The following ZSWIM3 variants were observed in gnomAD, a reference collection of about 807,000 sequenced individuals.
ZSWIM3 encodes the protein zinc finger SWIM-type containing 3.
A neutral mutation model predicts 47.5 loss-of-function variants in ZSWIM3; 27 were observed. The observed-to-expected ratio is 0.57, with a 90% CI of 0.42 to 0.78. The LOEUF (loss-of-function observed/expected upper bound fraction) is 0.78. Among genes scored for constraint, ZSWIM3 ranks in the 30% least tolerant of loss-of-function variants. The pLI is 0.00. For synonymous variants in ZSWIM3, 333 were observed against 333.9 expected (o/e 1.00, Z 0.03); for missense variants, 689 against 861.3 (o/e 0.80, Z 2.50).
In ZSWIM3 at chr20:45,857,934, C is replaced by T; in HGVS notation, c.109C>T (p.Arg37Cys). 1 of 1,612,428 alleles carries T rather than the reference C, an allele frequency of 6.2e-7. No individual in the cohort carries two copies. Among genetic ancestry groups the T allele is most frequent in the Non-Finnish European group, 8.5e-7 (1 of 1,179,326 alleles). Residue 37 changes from arginine (R) to cysteine (C), a missense_variant, in exon 1 of 2, where the codon CGC becomes TGC. Physicochemically the swap from Arg to Cys is radical, Grantham distance 180. Coordinates refer to ENST00000255152, the MANE Select transcript of ZSWIM3 (RefSeq NM_080752.4). ...CATTCTCAGGGACTGCGTCTCCGTC[C>T]GCTTCCACAACCTCAACCATGGCAC... Reference protein sequence around the residue: ...SFILRDCVSVRFHNLNHGTSI... With the variant: ...SFILRDCVSVCFHNLNHGTSI...
rs1015268367 is a variant in ZSWIM3, at chr20:45,857,632, C to T, written c.-194C>T. ...TTCCCCTGTCAGATAGCAAATACAC[C>T]CCCTTCCTCTTGTAACCCGGTCAGG... On this transcript the variant is annotated 5_prime_UTR_variant, in exon 1 of 2. Coordinates refer to ENST00000255152, the MANE Select transcript of ZSWIM3 (RefSeq NM_080752.4). 11 of 707,578 alleles carry T rather than the reference C, an allele frequency of 1.6e-5. No homozygotes were observed. The African/African-American group carries it at 1.8e-4, about 11-fold the overall frequency. The allele number at this position is 707,578 out of a possible 1,614,324, so 43.8% of individuals were successfully genotyped here.
Position 45,877,866 on chromosome 20 carries a change from A to G in ZSWIM3, c.1308A>G (p.Thr436=), listed in dbSNP as rs1402919429. The G allele has an allele frequency of 6.2e-7, 1 of 1,613,922 alleles. No individual in the cohort carries two copies. Among genetic ancestry groups the G allele is most frequent in the Admixed American group, 1.7e-5 (1 of 59,974 alleles). The change falls in exon 2 of 2, where the codon ACA becomes ACG. Residue 436 remains threonine (T), a synonymous_variant. Coordinates refer to ENST00000255152, the MANE Select transcript of ZSWIM3 (RefSeq NM_080752.4). ...FNTKGLKNLP[T]PPPKLKRARP... is the part of the protein sequence containing the mutation. Reference sequence around the variant, plus strand: ...CCAAAGGCTTGAAGAACTTGCCCACACCTCCTCCCAAATTAAAGAGAGCTC... The same window carrying G: ...CCAAAGGCTTGAAGAACTTGCCCACGCCTCCTCCCAAATTAAAGAGAGCTC...
intron 1 of ZSWIM3, among the ~76,000 whole-genome samples, chr20:45,871,887 A>T (rs1193253143): frequency 6.6e-6 from 1 of 151,826 alleles, no homozygotes; most frequent in Non-Finnish European, 1.5e-5. Context: ...AGAAAAAAAA[A>T]GTATGTTTAG....
chr20:45,872,908 G>T lies in ZSWIM3; in HGVS notation c.156-3806G>T, dbSNP rs913495242. ...CTGTTTTCCCAAGCTTGCCCCACAG[G>T]GTGAGCAAACTGGACCAGCTGGATT... On this transcript the variant is annotated intron_variant, in intron 1 of 1. Transcript: ENST00000255152. 1.3e-4 allele frequency: 148 copies of T among 1,175,924 alleles called. No homozygotes were observed. The African/African-American group carries it at 2.2e-3, about 17-fold the overall frequency. The allele number at this position is 1,175,924 out of a possible 1,614,324, so 72.8% of individuals were successfully genotyped here.
At chr20:45,872,048 C>T (rs922335799) in intron 1 of ZSWIM3, among the ~76,000 whole-genome samples, 8 of 152,150 alleles carry the variant, frequency 5.3e-5, no homozygotes, top group Non-Finnish European at 1.0e-4. Flanking sequence ...CAGTACAAAT[C>T]CCATGTTCCC....
Position 45,878,075 on chromosome 20 carries a change from C to T in ZSWIM3, c.1517C>T (p.Ala506Val), listed in dbSNP as rs946659338. 1.4e-5 allele frequency: 22 copies of T among 1,614,060 alleles called. No individual in the cohort carries two copies. Among genetic ancestry groups the T allele is most frequent in the Non-Finnish European group, 1.9e-5 (22 of 1,180,042 alleles). Residue 506 changes from alanine (A) to valine (V), a missense_variant, in exon 2 of 2, where the codon GCC becomes GTC. Coordinates refer to ENST00000255152, the MANE Select transcript of ZSWIM3 (RefSeq NM_080752.4). ...DTLHQSGSELAYKLCHNEWEV... is the reference protein window; with the variant it reads ...DTLHQSGSELVYKLCHNEWEV... ...TTGCACCAGAGTGGCTCTGAACTAG[C>T]CTACAAGCTGTGCCACAATGAGTGG...
rs1293614191 is a variant in ZSWIM3 at position 45,878,600 on chromosome 20, A to T, written c.2042A>T (p.Gln681Leu). The T allele has an allele frequency of 1.9e-6, 3 of 1,612,528 alleles. No individual in the cohort carries two copies. The highest frequency in any genetic ancestry group is 2.5e-6 in the Non-Finnish European group (3 of 1,179,360). The change falls in exon 2 of 2, where the codon CAA (glutamine) becomes CTA (leucine). Residue 681 changes from glutamine (Q) to leucine (L), a missense_variant. Gln to Leu is a moderately radical substitution (Grantham distance 113). Transcript: ENST00000255152. The stretch of plus-strand genomic sequence containing the variant: ...CGCCTCCCTTTCCTCTGGGGAAAGC[A>T]AGAAGAAGGGGAGGGATTCCCTCCT... Reference protein sequence around the residue: ...VGRLPFLWGKQEEGEGFPPAT... With the variant: ...VGRLPFLWGKLEEGEGFPPAT...
intron 1 of ZSWIM3, among the ~76,000 whole-genome samples, chr20:45,871,248 T>G (rs1334979589): frequency 6.6e-6 from 1 of 152,196 alleles, no homozygotes; most frequent in Non-Finnish European, 1.5e-5. Context: ...TCTCCTTTAG[T>G]GCTTATATCT....
intron 1 of ZSWIM3, among the ~76,000 whole-genome samples, chr20:45,863,718 C>T (rs544757064): frequency 6.6e-6 from 1 of 152,168 alleles, no homozygotes; most frequent in Admixed American, 6.6e-5. Flanking sequence ...TAGTTTAGGG[C>T]CAGGCGCAGT....
chr20:45,860,684 C>T (rs187857584), intron 1 of ZSWIM3, among the ~76,000 whole-genome samples: 136 of 152,246 alleles, frequency 8.9e-4, no homozygotes, highest in Non-Finnish European at 1.6e-3. Context: ...CTCTGACTCC[C>T]TCTTCTGCCT....
chr20:45,859,816 A>AAAAAAAAAAAAAAAAAC (rs146830909), intron 1 of ZSWIM3, among the ~76,000 whole-genome samples: 1 of 129,304 alleles, frequency 7.7e-6, no homozygotes, highest in Non-Finnish European at 1.6e-5. Flanking sequence ...AAAAAAAAAA[A>AAAAAAAAAAAAAAAAAC]CCACAGTTGC....
At position 45,877,539 on chromosome 20, in the gene ZSWIM3, T is replaced by C. The variant is rs1568749865; in HGVS notation, c.981T>C (p.Phe327=). The change falls in exon 2 of 2, where the codon TTT becomes TTC. Residue 327 remains phenylalanine, a synonymous_variant. Transcript: ENST00000255152. ...KLHRSSANPS[F]KRLMKEALRE... ...ATCGTAGTTCAGCAAATCCATCCTT[T>C]AAAAGGCTCATGAAGGAAGCCCTGC... The C allele has an allele frequency of 1.2e-6, 2 of 1,614,172 alleles. No individual in the cohort carries two copies. Among genetic ancestry groups the C allele is most frequent in the East Asian group, 4.5e-5 (2 of 44,884 alleles).
chr20:45,870,818 C>T (rs986388603), intron 1 of ZSWIM3, among the ~76,000 whole-genome samples: 7 of 151,954 alleles, frequency 4.6e-5, no homozygotes, highest in African/African-American at 1.5e-4. Flanking sequence ...CTCAGCCACC[C>T]GAGTAGCTGA....
At chr20:45,876,447 T>C (rs1330149917) in intron 1 of ZSWIM3, among the ~76,000 whole-genome samples, 1 of 152,092 alleles carries the variant, frequency 6.6e-6, no homozygotes, top group Non-Finnish European at 1.5e-5. Context: ...CAAGCGATCC[T>C]CCCTTCTCTG....
chr20:45,875,745 C>G (rs376479903), intron 1 of ZSWIM3, among the ~76,000 whole-genome samples: 10 of 36,012 alleles, frequency 2.8e-4, no homozygotes, highest in African/African-American at 6.4e-4. Flanking sequence ...TTGTGATCTG[C>G]CCTCCTTGGC....
At position 45,876,855 on chromosome 20, in the gene ZSWIM3, G is replaced by A; in HGVS notation, c.297G>A (p.Gln99=). 1 of 1,614,142 alleles carries A rather than the reference G, an allele frequency of 6.2e-7. No homozygotes were observed. Among genetic ancestry groups the A allele is most frequent in the Non-Finnish European group, 8.5e-7 (1 of 1,180,022 alleles). ...DRLFISELNT[Q]HIHGDSKVAS... ...TATTTATCAGTGAACTAAACACACA[G>A]CACATACATGGTGACTCTAAAGTGG... The change falls in exon 2 of 2, where the codon CAG becomes CAA. Residue 99 remains glutamine (Q), a synonymous_variant. Coordinates refer to ENST00000255152, the MANE Select transcript of ZSWIM3 (RefSeq NM_080752.4).
chr20:45,878,158 C>T lies in ZSWIM3; in HGVS notation c.1600C>T (p.Gln534Ter), dbSNP rs763932755. The T allele has an allele frequency of 6.2e-7, 1 of 1,614,206 alleles. No homozygotes were observed. Residue 534 changes from glutamine (Q) to a stop codon, truncating the protein, a stop_gained, in exon 2 of 2, where the codon CAG (glutamine) becomes TAG (stop). Coordinates refer to ENST00000255152, the MANE Select transcript of ZSWIM3 (RefSeq NM_080752.4). LOFTEE classifies it high-confidence loss of function. The stretch of plus-strand genomic sequence containing the variant: ...CATGGCTGGCTCTTCAGTGGACGTT[C>T]AGCTGCTAGAGGACTCTCACCAGGT... Reference protein sequence around the residue: ...VDMAGSSVDVQLLEDSHQVSK... With the variant: ...VDMAGSSVDV
rs541593052 is a variant in ZSWIM3, at chr20:45,860,334, G to T, written c.155+2354G>T. ...GTTCAAGACCATCCTGGCCAACATG[G>T]TGAAACCCCGTCTCTACTAAAAATA... On this transcript the variant is annotated intron_variant, in intron 1 of 1. Transcript: ENST00000255152. Among the ~76,000 whole-genome samples the T allele has an allele frequency of 1.5e-3, 222 of 152,010 alleles. 1 individual carries two copies. The highest frequency in any genetic ancestry group is 5.2e-3 in the African/African-American group (215 of 41,450).
intron 1 of ZSWIM3, among the ~76,000 whole-genome samples, chr20:45,873,752 C>G (rs1986028305): frequency 6.6e-6 from 1 of 152,146 alleles, no homozygotes; most frequent in Non-Finnish European, 1.5e-5. Context: ...TATTCAAATC[C>G]AGTCAGCCTC....
Sources: allele counts gnomAD v4.1 joint callset (sites outside exome capture counted in the v4.1 genomes callset), GRCh38; gene constraint gnomAD v4.1.1; transcripts MANE v1.5; gene names NCBI Gene and HGNC (gene_info 2026-07-23, HGNC 2026-07-21).